Variants in AKNA observed in about 807,000 individuals in gnomAD.
AKNA encodes the protein AT-hook transcription factor.
A neutral mutation model predicts 138.8 loss-of-function variants in AKNA; 67 were observed. The ratio of observed to expected loss-of-function variants is 0.48; its 90% CI spans 0.40 to 0.59. The LOEUF (loss-of-function observed/expected upper bound fraction) is 0.59. Among genes scored for constraint, AKNA ranks in the 20% least tolerant of loss-of-function variants. The pLI, the probability that AKNA is intolerant of heterozygous loss-of-function variation, is 0.00. For missense variants in AKNA, 1,813 were observed against 1,880.4 expected (o/e 0.96, Z 0.66); for synonymous variants, 737 against 754.4 (o/e 0.98, Z 0.38).
rs558006244 is a variant in AKNA at position 114,361,808 on chromosome 9, C to A, written c.2020G>T (p.Ala674Ser). Residue 674 changes from alanine (A) to serine (S), a missense_variant, in exon 9 of 22, where the codon GCT becomes TCT. Coordinates refer to ENST00000374088, the MANE Select transcript of AKNA (RefSeq NM_001317950.2). ...QEPEPPGSDS[A>S]LDSTPALPCL... Reference sequence around the variant, plus strand: ...GGCAGGGCTGGGGTGCTGTCCAGAGCTGAGTCTGACCCGGGCGGCTCAGGC... The same window carrying A: ...GGCAGGGCTGGGGTGCTGTCCAGAGATGAGTCTGACCCGGGCGGCTCAGGC... The A allele has an allele frequency of 1.2e-6, 2 of 1,613,738 alleles. No homozygotes were observed. The highest frequency in any genetic ancestry group is 2.7e-5 in the African/African-American group (2 of 74,896).
At chr9:114,377,628 C>T in intron 2 of AKNA, 96 bp from the exon 3 acceptor site, 1 of 1,255,594 alleles carries the variant, frequency 8.0e-7, no homozygotes, top group Non-Finnish European at 1.1e-6. Context: ...CTTCCATTTC[C>T]TCATCACGTG....
At chr9:114,370,615 C>T (rs754799964) in intron 4 of AKNA, among the ~76,000 whole-genome samples, 63 of 152,004 alleles carry the variant, frequency 4.1e-4, no homozygotes, top group Non-Finnish European at 6.6e-4. Context: ...CAGGGTGTCC[C>T]GGGTGCTCCC....
At position 114,381,540 on chromosome 9, in the gene AKNA, C is replaced by T; in HGVS notation, c.-113-94G>A. 5.7e-6 allele frequency: 7 copies of T among 1,230,150 alleles called. No individual in the cohort carries two copies. The South Asian group carries it at 1.3e-4, about 22-fold the overall frequency. 76.2% of individuals were successfully genotyped at this position (1,230,150 alleles called of 1,614,324 possible). The stretch of plus-strand genomic sequence containing the variant: ...TTACCAGCAGGAACTCTGGAATTAG[C>T]CCCAGTTCAACTCCTGGTTGTGTCC... On this transcript the variant is annotated intron_variant, in intron 1 of 21. Coordinates refer to ENST00000374088, the MANE Select transcript of AKNA (RefSeq NM_001317950.2).
chr9:114,381,257 C>A lies in AKNA; in HGVS notation c.77G>T (p.Trp26Leu). Residue 26 changes from tryptophan to leucine, a missense_variant, in exon 2 of 22, where the codon TGG (tryptophan) becomes TTG (leucine). Transcript: ENST00000374088. ...GKGPQRRRWAWAEDKRDVDRS... is the reference protein window; with the variant it reads ...GKGPQRRRWALAEDKRDVDRS... ...ATCCACATCCCTCTTGTCCTCGGCC[C>A]AGGCCCAGCGCCGCCGCTGGGGGCC... 1 of 1,613,858 alleles carries A rather than the reference C, an allele frequency of 6.2e-7. No homozygotes were observed. Among genetic ancestry groups the A allele is most frequent in the Non-Finnish European group, 8.5e-7 (1 of 1,179,914 alleles).
chr9:114,366,035 T>C lies in AKNA; in HGVS notation c.1729-1416A>G, dbSNP rs566997262. On this transcript the variant is annotated intron_variant, in intron 6 of 21. Transcript: ENST00000374088. Reference sequence around the variant, plus strand: ...AAACGAAGCCTGTAATCCCAGCACTTTGGGAGGCCGAGGCAGGCATATCAC... The same window carrying C: ...AAACGAAGCCTGTAATCCCAGCACTCTGGGAGGCCGAGGCAGGCATATCAC... 2.1e-4 allele frequency among the ~76,000 whole-genome samples: 32 copies of C among 152,208 alleles called. 1 individual carries two copies. Among genetic ancestry groups the C allele is most frequent in the Middle Eastern group, 6.8e-3 (2 of 294 alleles).
intron 21 of AKNA, among the ~76,000 whole-genome samples, chr9:114,338,548 C>T (rs113000255): frequency 0.022 from 3,375 of 152,310 alleles, 112 homozygotes; most frequent in African/African-American, 0.076. Flanking sequence ...GTGCCTTTAT[C>T]TTTATTTTAC....
Position 114,377,460 on chromosome 9 carries a change from C to T in AKNA, c.347G>A (p.Arg116His), listed in dbSNP as rs781624204. The T allele has an allele frequency of 2.2e-5, 36 of 1,613,246 alleles. No individual in the cohort carries two copies. Among genetic ancestry groups the T allele is most frequent in the South Asian group, 8.8e-5 (8 of 91,020 alleles). Reference protein sequence around the residue: ...EPLAWLPQQGRQLDMTEEEPD... With the variant: ...EPLAWLPQQGHQLDMTEEEPD... The stretch of plus-strand genomic sequence containing the variant: ...CTCCTCTTCAGTCATGTCCAGCTGA[C>T]GGCCCTGCTGGGGGAGCCAGGCAAG... Residue 116 changes from arginine (R) to histidine (H), a missense_variant, in exon 3 of 22, where the codon CGT becomes CAT. Coordinates refer to ENST00000374088, the MANE Select transcript of AKNA (RefSeq NM_001317950.2).
intron 3 of AKNA, 157 bp downstream of exon 3, chr9:114,376,309 C>A: frequency 3.0e-6 from 2 of 665,964 alleles, no homozygotes; most frequent in South Asian, 3.0e-5. Context: ...CCCCACCCCA[C>A]CAGCCTCCGT....
chr9:114,382,645 C>A (rs1833772775), intron 1 of AKNA, among the ~76,000 whole-genome samples: 1 of 150,566 alleles, frequency 6.6e-6, no homozygotes, highest in Admixed American at 6.6e-5. Context: ...AAAACAGGTG[C>A]TCAAATGAAA....
chr9:114,337,796 A>G (rs1314900978), intron 21 of AKNA, among the ~76,000 whole-genome samples: 4 of 151,852 alleles, frequency 2.6e-5, no homozygotes, highest in African/African-American at 9.7e-5. Context: ...TAATAGTAAT[A>G]ATAATAATAA....
downstream of AKNA, chr9:114,331,415 C>G (rs1829849043): frequency 6.4e-6 from 4 of 624,746 alleles, no homozygotes; most frequent in Admixed American, 5.9e-5. Flanking sequence ...GCTGGGCACG[C>G]AGCAGGGGCT....
chr9:114,347,857 G>A lies in AKNA; in HGVS notation c.3265C>T (p.Leu1089=). The change falls in exon 16 of 22, where the codon CTG becomes TTG. Residue 1089 remains leucine (L), a synonymous_variant. Transcript: ENST00000374088. Reference sequence around the variant, plus strand: ...TGGTGCAGGCTGTCTTCCAGCCGCAGACGAAGCCGGGACACCTCTTCTTGC... The same window carrying A: ...TGGTGCAGGCTGTCTTCCAGCCGCAAACGAAGCCGGGACACCTCTTCTTGC... ...ELQEEVSRLR[L]RLEDSLHQPL... The A allele has an allele frequency of 6.4e-7, 1 of 1,550,850 alleles. No homozygotes were observed. Among genetic ancestry groups the A allele is most frequent in the Non-Finnish European group, 8.7e-7 (1 of 1,146,984 alleles).
At chr9:114,331,568 G>T (rs1484832781), downstream of AKNA, 21 of 1,612,698 alleles carry the variant, frequency 1.3e-5, no homozygotes, top group Non-Finnish European at 1.7e-5. Flanking sequence ...CTCTTCCAGA[G>T]GGAGGCCGAG....
chr9:114,346,457 C>T (rs868338234), intron 17 of AKNA, among the ~76,000 whole-genome samples: 30 of 152,228 alleles, frequency 2.0e-4, no homozygotes, highest in South Asian at 1.9e-3. Flanking sequence ...AGCAAGACAG[C>T]AGCTACAAAG....
chr9:114,360,084 G>A (rs1231000713), intron 9 of AKNA, 22 bp from the exon 10 acceptor site: 1 of 1,613,998 alleles, frequency 6.2e-7, no homozygotes. Flanking sequence ...AAGATGGACA[G>A]ACAGAGATTC....
In AKNA at chr9:114,343,707, C is replaced by G; in HGVS notation, c.3757+1G>C. ...CCAGTTTTCCAGGTGCCATTCCTTA[C>G]CCGCATCCTGGGTCCTAATGGGCCG... is the stretch of plus-strand genomic sequence containing the variant. On this transcript the variant is annotated splice_donor_variant, in intron 19 of 21. Coordinates refer to ENST00000374088, the MANE Select transcript of AKNA (RefSeq NM_001317950.2). LOFTEE classifies it high-confidence loss of function. 1 of 1,614,204 alleles carries G rather than the reference C, an allele frequency of 6.2e-7. No individual in the cohort carries two copies. The highest frequency in any genetic ancestry group is 8.5e-7 in the Non-Finnish European group (1 of 1,179,998).
intron 21 of AKNA, among the ~76,000 whole-genome samples, chr9:114,339,361 G>C (rs981603232): frequency 6.6e-6 from 1 of 152,236 alleles, no homozygotes; most frequent in Admixed American, 6.5e-5. Flanking sequence ...CTGACCAGCA[G>C]CTGGAGAAAT....
At chr9:114,390,630 C>G (rs1834297909), upstream of AKNA, among the ~76,000 whole-genome samples, 1 of 152,220 alleles carries the variant, frequency 6.6e-6, no homozygotes, top group South Asian at 2.1e-4. Flanking sequence ...AAACAAGACC[C>G]TTCCATGCTT....
chr9:114,375,862 T>C (rs1833130450), intron 3 of AKNA: 1 of 393,500 alleles, frequency 2.5e-6, no homozygotes, highest in Admixed American at 3.1e-5. Context: ...ACTGGTCTTT[T>C]TGAGCAAAGG....
Sources: gnomAD v4.1 joint callset for allele counts (sites outside exome capture counted in the v4.1 genomes callset) on GRCh38, gnomAD v4.1.1 for gene constraint, MANE v1.5 for transcripts, NCBI Gene and HGNC (gene_info 2026-07-23, HGNC 2026-07-21) for gene names.